The following PAK5 variants were observed in gnomAD, a reference collection of about 807,000 sequenced individuals.
PAK5 encodes the protein p21 (RAC1) activated kinase 5.
A neutral mutation model predicts 65.9 loss-of-function variants in PAK5; 16 were observed. The observed-to-expected ratio is 0.24, with a 90% CI of 0.16 to 0.37. PAK5 has a LOEUF of 0.37. Among genes scored for constraint, PAK5 ranks in the 10% least tolerant of loss-of-function variants. The probability of loss-of-function intolerance (pLI) is 1.00; values close to 1 mark genes in which losing one functional copy is unlikely to be tolerated. For synonymous variants in PAK5, 371 were observed against 354.9 expected (o/e 1.05, Z -0.51); for missense variants, 785 against 903.9 (o/e 0.87, Z 1.69).
rs1979304703 is a variant in PAK5, at chr20:9,838,182, C to T, written c.-162+580G>A. Reference sequence around the variant, plus strand: ...TGTCTCTCCATTACAACCCACCAGGCGCGCGCGCACACACACACGCGCGCA... The same window carrying T: ...TGTCTCTCCATTACAACCCACCAGGTGCGCGCGCACACACACACGCGCGCA... On this transcript the variant is annotated intron_variant, in intron 1 of 9. Transcript: ENST00000353224. This position sits in a 1 kb window ranked among gnomAD's most constrained non-coding sequence, Gnocchi z 4.5. Among the ~76,000 whole-genome samples the T allele has an allele frequency of 7.3e-6, 1 of 136,556 alleles. No homozygotes were observed. Among genetic ancestry groups the T allele is most frequent in the African/African-American group, 3.0e-5 (1 of 33,386 alleles). The allele number at this position is 136,556 out of a possible 152,430, so 89.6% of individuals were successfully genotyped here.
chr20:9,776,928 A>T (rs2048893225), intron 1 of PAK5, among the ~76,000 whole-genome samples: 1 of 152,228 alleles, frequency 6.6e-6, no homozygotes, highest in South Asian at 2.1e-4. Context: ...GCTACATAGC[A>T]ATTAAATAGA....
At chr20:9,755,173 T>C (rs1013940005) in intron 1 of PAK5, among the ~76,000 whole-genome samples, 1 of 152,192 alleles carries the variant, frequency 6.6e-6, no homozygotes, top group African/African-American at 2.4e-5. Context: ...ACTCAGGCAG[T>C]TAAATCCTAC....
At chr20:9,804,174 A>G (rs2049203877) in intron 1 of PAK5, among the ~76,000 whole-genome samples, 1 of 152,164 alleles carries the variant, frequency 6.6e-6, no homozygotes, top group Admixed American at 6.6e-5. Flanking sequence ...CGCTCTAGTG[A>G]TCTGTATGTT....
At chr20:9,645,529 T>A (rs2047122608) in intron 2 of PAK5, among the ~76,000 whole-genome samples, 1 of 152,196 alleles carries the variant, frequency 6.6e-6, no homozygotes, top group South Asian at 2.1e-4. Context: ...GTTGATTTGT[T>A]GAGGAAGACT....
intron 2 of PAK5, among the ~76,000 whole-genome samples, chr20:9,650,074 C>G (rs917329401): frequency 2.0e-5 from 3 of 152,194 alleles, no homozygotes; most frequent in Admixed American, 6.5e-5. Context: ...CTGGCAGCCT[C>G]TCTCAGATGG....
At chr20:9,799,560 A>T (rs761429741) in intron 1 of PAK5, among the ~76,000 whole-genome samples, 10 of 152,056 alleles carry the variant, frequency 6.6e-5, no homozygotes, top group Non-Finnish European at 1.3e-4. Flanking sequence ...GAAGATTTCT[A>T]TGGGTCTTAT....
At chr20:9,590,315 G>A (rs774417449) in intron 3 of PAK5, among the ~76,000 whole-genome samples, 4 of 152,132 alleles carry the variant, frequency 2.6e-5, no homozygotes, top group Non-Finnish European at 5.9e-5. Context: ...AATTAAATAC[G>A]TGGCTTGCAT....
chr20:9,557,514 T>C, intron 7 of PAK5, 94 bp downstream of exon 7: 1 of 1,050,318 alleles, frequency 9.5e-7, no homozygotes, highest in Non-Finnish European at 1.3e-6. Flanking sequence ...CTAAGAAAAA[T>C]TAGAGTTATA....
intron 3 of PAK5, among the ~76,000 whole-genome samples, chr20:9,641,219 C>A (rs899727087): frequency 2.0e-5 from 3 of 151,928 alleles, no homozygotes; most frequent in African/African-American, 7.3e-5. Flanking sequence ...GGTGCACCCA[C>A]AAACCTTGAG....
At chr20:9,542,465 A>G (rs943129667) in intron 9 of PAK5, 121 bp downstream of exon 9, 10 of 985,816 alleles carry the variant, frequency 1.0e-5, no homozygotes, top group Non-Finnish European at 1.6e-5. Context: ...ACTATTTCCA[A>G]AGTCCATGCT....
At chr20:9,734,695 C>A (rs948050397) in intron 1 of PAK5, among the ~76,000 whole-genome samples, 1 of 152,112 alleles carries the variant, frequency 6.6e-6, no homozygotes, top group East Asian at 1.9e-4. Flanking sequence ...TGTTAATAAC[C>A]AACACTGATC....
At chr20:9,706,211 T>G (rs996434809) in intron 2 of PAK5, among the ~76,000 whole-genome samples, 1 of 152,208 alleles carries the variant, frequency 6.6e-6, no homozygotes, top group African/African-American at 2.4e-5. Context: ...AATTTGCTTG[T>G]GACCATAAGT....
At chr20:9,773,501 T>C (rs1046955329) in intron 1 of PAK5, among the ~76,000 whole-genome samples, 11 of 152,172 alleles carry the variant, frequency 7.2e-5, no homozygotes, top group Non-Finnish European at 2.9e-5. Context: ...CACTTCTATT[T>C]TTCTGGAAGT....
intron 2 of PAK5, among the ~76,000 whole-genome samples, chr20:9,673,667 TTTCCTC>T (rs2047530749): frequency 6.6e-6 from 1 of 152,192 alleles, no homozygotes; most frequent in South Asian, 2.1e-4. Flanking sequence ...CCTCCTAACT[TTTCCTC>T]TTATCTGTTC....
At chr20:9,719,945 T>G (rs2048195107) in intron 1 of PAK5, among the ~76,000 whole-genome samples, 1 of 152,226 alleles carries the variant, frequency 6.6e-6, no homozygotes, top group Non-Finnish European at 1.5e-5. Context: ...TTAAATTTAA[T>G]CTGACACCTA....
chr20:9,751,318 A>G (rs937089649), intron 1 of PAK5, among the ~76,000 whole-genome samples: 2 of 152,044 alleles, frequency 1.3e-5, no homozygotes, highest in South Asian at 4.2e-4. Flanking sequence ...CTCCCTCACA[A>G]TGTATTTCCC....
At chr20:9,749,834 G>T (rs1021036458) in intron 1 of PAK5, among the ~76,000 whole-genome samples, 4 of 152,112 alleles carry the variant, frequency 2.6e-5, no homozygotes, top group African/African-American at 7.2e-5. Context: ...ACTGGACAGG[G>T]TGTTGAATGA....
intron 1 of PAK5, among the ~76,000 whole-genome samples, chr20:9,730,380 T>C (rs545644696): frequency 1.3e-5 from 2 of 152,312 alleles, no homozygotes; most frequent in Non-Finnish European, 2.9e-5. Flanking sequence ...AACTTATTAG[T>C]GCTACTATAC....
intron 2 of PAK5, among the ~76,000 whole-genome samples, chr20:9,675,392 C>G (rs1429253900): frequency 6.6e-6 from 1 of 152,036 alleles, no homozygotes; most frequent in African/African-American, 2.4e-5. Context: ...ACAAGTAGGA[C>G]CTCAGTACTT....
Sources: gnomAD v4.1 joint callset for allele counts (sites outside exome capture counted in the v4.1 genomes callset) on GRCh38, gnomAD v4.1.1 for gene constraint, Gnocchi (gnomAD v3.1) non-coding constraint, MANE v1.5 for transcripts, NCBI Gene and HGNC (gene_info 2026-07-23, HGNC 2026-07-21) for gene names.